PAXIP1: variants seen among roughly 807,000 people sequenced by gnomAD.
The protein encoded by PAXIP1 is PAX interacting protein 1.
A neutral mutation model predicts 140.6 loss-of-function variants in PAXIP1; 19 were observed. The ratio of observed to expected loss-of-function variants is 0.14; its 90% confidence interval spans 0.09 to 0.20. The LOEUF (loss-of-function observed/expected upper bound fraction) is 0.20, where lower values mean the gene tolerates loss of function less well. Among genes scored for constraint, PAXIP1 ranks in the 10% least tolerant of loss-of-function variants. The pLI is 1.00. For missense variants in PAXIP1, 920 were observed against 1,208.6 expected (o/e 0.76, Z 3.54); for synonymous variants, 442 against 444.6 (o/e 0.99, Z 0.07).
intron 6 of PAXIP1, among the ~76,000 whole-genome samples, chr7:154,972,095 C>T (rs189334127): frequency 7.9e-4 from 120 of 152,346 alleles, no homozygotes; most frequent in African/African-American, 2.9e-3. Flanking sequence ...CTCCCTACTG[C>T]AGTCAATTCT....
At chr7:154,994,057 G>GCCCCC (rs1810467802) in intron 2 of PAXIP1, among the ~76,000 whole-genome samples, 1 of 151,886 alleles carries the variant, frequency 6.6e-6, no homozygotes, top group Admixed American at 6.6e-5. Context: ...CCACATTTAG[G>GCCCCC]ACAGGGGAAC....
intron 4 of PAXIP1, among the ~76,000 whole-genome samples, chr7:154,990,009 T>G (rs1257964146): frequency 6.6e-6 from 1 of 151,772 alleles, no homozygotes; most frequent in African/African-American, 2.4e-5. Flanking sequence ...TGTCAGTCTG[T>G]CCTTCTATCG....
Position 154,961,590 on chromosome 7 carries a change from T to G in PAXIP1, c.2186A>C (p.Tyr729Ser), listed in dbSNP as rs1355488792. ...ACCCGTATATTTGGCACCTGCCAAATAAGCCATTAATTTTAGGTCATCTCT... is the reference window on the plus strand; with the variant it reads ...ACCCGTATATTTGGCACCTGCCAAAGAAGCCATTAATTTTAGGTCATCTCT... ...SDRDDLKLMA[Y>S]LAGAKYTGYL... Residue 729 changes from tyrosine to serine, a missense_variant, in exon 11 of 21, where the codon TAT becomes TCT. Coordinates refer to ENST00000404141, the MANE Select transcript of PAXIP1 (RefSeq NM_007349.4). 1 of 1,606,290 alleles carries G rather than the reference T, an allele frequency of 6.2e-7. No homozygotes were observed. The highest frequency in any genetic ancestry group is 1.7e-5 in the Admixed American group (1 of 59,154).
chr7:154,944,132 C>G lies in PAXIP1; in HGVS notation c.*17G>C. ...CCCGCACCGCAGGAGTCGACATGCA[C>G]GGCAGCCTAGACGCCATCAGTTAAA... On this transcript the variant is annotated 3_prime_UTR_variant, in exon 21 of 21. Transcript: ENST00000404141. 6.2e-7 allele frequency: 1 copy of G among 1,612,172 alleles called. No individual in the cohort carries two copies. Among genetic ancestry groups the G allele is most frequent in the Non-Finnish European group, 8.5e-7 (1 of 1,178,972 alleles).
chr7:154,959,790 C>G, intron 13 of PAXIP1, 100 bp downstream of exon 13: 1 of 802,768 alleles, frequency 1.2e-6, no homozygotes, highest in Non-Finnish European at 2.1e-6. Context: ...ATCATGTTGA[C>G]AAGTTACTAA....
At position 154,954,238 on chromosome 7, in the gene PAXIP1, C is replaced by A; in HGVS notation, c.2821+17G>T. ...TTATTTGGCATTAAAAGCAAAGTTA[C>A]TGGCGCTGCTCCTTACCAATGAACT... On this transcript the variant is annotated intron_variant, in intron 16 of 20. Coordinates refer to ENST00000404141, the MANE Select transcript of PAXIP1 (RefSeq NM_007349.4). This position sits in a 1 kb window ranked among gnomAD's most constrained non-coding sequence, Gnocchi z 5.1. 7.0e-7 allele frequency: 1 copy of A among 1,427,534 alleles called. No individual in the cohort carries two copies. Among genetic ancestry groups the A allele is most frequent in the Non-Finnish European group, 9.3e-7 (1 of 1,074,488 alleles). The allele number at this position is 1,427,534 out of a possible 1,614,324, so 88.4% of individuals were successfully genotyped here. A position where few individuals can be genotyped will look rare whatever the true frequency, so the allele number is the denominator to read the frequency against.
At position 154,945,525 on chromosome 7, in the gene PAXIP1, G is replaced by C. The variant is rs1807920182; in HGVS notation, c.3194+840C>G. On this transcript the variant is annotated intron_variant, in intron 20 of 20. Transcript: ENST00000404141. ...CTGACCTCTGCGCCTTACTGAAGCA[G>C]TCCTATCCCAAACACAAAATTCCCC... The C allele has an allele frequency of 1.6e-5, 16 of 985,304 alleles. 1 individual carries two copies. In the South Asian group the frequency reaches 7.5e-4, roughly 46 times the overall value. The allele number at this position is 985,304 out of a possible 1,614,324, so 61.0% of individuals were successfully genotyped here.
chr7:154,960,602 A>G (rs1808715016), intron 12 of PAXIP1, among the ~76,000 whole-genome samples: 1 of 152,184 alleles, frequency 6.6e-6, no homozygotes, highest in Admixed American at 6.5e-5. Flanking sequence ...ACCCGAGCCC[A>G]GGAGATCGAG....
At chr7:154,948,660 CG>C (rs1808118007) in intron 16 of PAXIP1, 1 of 151,622 alleles carries the variant, frequency 6.6e-6, no homozygotes, top group African/African-American at 2.4e-5. Context: ...CTTTACCCCC[CG>C]ACTATTTTAG....
intron 13 of PAXIP1, among the ~76,000 whole-genome samples, chr7:154,958,561 C>T: frequency 6.6e-6 from 1 of 152,158 alleles, no homozygotes; most frequent in East Asian, 1.9e-4. Flanking sequence ...TTATTACTTT[C>T]CTATTATAGC....
chr7:154,962,757 A>G (rs1288289632), intron 9 of PAXIP1: 1 of 206,756 alleles, frequency 4.8e-6, no homozygotes, highest in Admixed American at 5.4e-5. Flanking sequence ...ACCAAAGTTA[A>G]AAGTGCCCCA....
rs78309452 is a variant in PAXIP1 at position 154,988,359 on chromosome 7, C to T, written c.324+2647G>A. ...CCAGACCAATGCCATCCTTCCTAAG[C>T]TCATAGAATCATACCTGTGGCCCCT... is the stretch of plus-strand genomic sequence containing the variant. On this transcript the variant is annotated intron_variant, in intron 4 of 20. Transcript: ENST00000404141. Among the ~76,000 whole-genome samples, 1,365 of 152,282 alleles carry T rather than the reference C, an allele frequency of 9.0e-3. 14 individuals carry two copies. The highest frequency in any genetic ancestry group is 0.011 in the Non-Finnish European group (769 of 68,020).
rs1017441478 is a variant in PAXIP1, at chr7:154,998,485, G to A, written c.216+165C>T. Among the ~76,000 whole-genome samples the A allele has an allele frequency of 9.9e-5, 15 of 151,984 alleles. 1 individual carries two copies. The highest frequency in any genetic ancestry group is 3.6e-4 in the African/African-American group (15 of 41,354). Reference sequence around the variant, plus strand: ...ATCGTGCCATTGCACTCCAGCCTGGGCAACAGAGCGAGATTCCAGCTCAAA... The same window carrying A: ...ATCGTGCCATTGCACTCCAGCCTGGACAACAGAGCGAGATTCCAGCTCAAA... On this transcript the variant is annotated intron_variant, in intron 2 of 20. Coordinates refer to ENST00000404141, the MANE Select transcript of PAXIP1 (RefSeq NM_007349.4).
chr7:154,962,533 T>G (rs1363728014), intron 9 of PAXIP1, 75 bp from the exon 10 acceptor site: 2 of 1,338,978 alleles, frequency 1.5e-6, no homozygotes, highest in Admixed American at 4.3e-5. Flanking sequence ...TAAGGTTGTA[T>G]AACTACAATG....
intron 2 of PAXIP1, among the ~76,000 whole-genome samples, chr7:154,998,107 C>A (rs1341729303): frequency 6.6e-6 from 1 of 152,218 alleles, no homozygotes; most frequent in Admixed American, 6.5e-5. Context: ...TTACTTACGA[C>A]ATACAGAAGC....
In PAXIP1 at chr7:154,963,989, T is replaced by A. The variant is rs748810; in HGVS notation, c.1894-223A>T. ...CTAAATTTAATCTGAATTCCCAGGA[T>A]ACAAGAGAAGAACAATGGAATGCAC... is the stretch of plus-strand genomic sequence containing the variant. On this transcript the variant is annotated intron_variant, in intron 8 of 20. Coordinates refer to ENST00000404141, the MANE Select transcript of PAXIP1 (RefSeq NM_007349.4). This position sits in a 1 kb window ranked among gnomAD's most constrained non-coding sequence, Gnocchi z 4.1. 300,601 of 505,480 alleles carry A rather than the reference T, an allele frequency of 0.59. 89,902 individuals carry two copies. Among genetic ancestry groups the A allele is most frequent in the Admixed American group, 0.69 (21,473 of 31,028 alleles). 31.3% of individuals were successfully genotyped at this position (505,480 alleles called of 1,614,324 possible).
chr7:154,948,586 G>C (rs1458350682), intron 16 of PAXIP1: 3 of 149,728 alleles, frequency 2.0e-5, no homozygotes, highest in Non-Finnish European at 3.0e-5. Flanking sequence ...CAACAAAAAT[G>C]TAAAAAAAGA....
chr7:154,951,355 G>T (rs28638070), intron 16 of PAXIP1: 7,277 of 152,466 alleles, frequency 0.048, 435 homozygotes, highest in East Asian at 0.19. Flanking sequence ...ACATTTCACT[G>T]TGGTGTGGGA....
At chr7:154,945,251 G>C (rs570541201) in intron 20 of PAXIP1, 1 of 152,378 alleles carries the variant, frequency 6.6e-6, no homozygotes, top group South Asian at 2.1e-4. Flanking sequence ...CCCGTGCTGG[G>C]ATTATAGGCA....
Sources: allele counts gnomAD v4.1 joint callset (sites outside exome capture counted in the v4.1 genomes callset), GRCh38; gene constraint gnomAD v4.1.1; non-coding constraint Gnocchi (gnomAD v3.1); transcripts MANE v1.5; gene names NCBI Gene and HGNC (gene_info 2026-07-23, HGNC 2026-07-21).